CPSF4L: variants seen among roughly 807,000 people sequenced by gnomAD.
CPSF4L encodes putative cleavage and polyadenylation specificity factor subunit 4-like protein.
In CPSF4L, 18 loss-of-function variants were observed where a neutral mutation model predicts 24.0. That is an observed-to-expected ratio of 0.75 (90% confidence interval 0.52 to 1.11). The LOEUF is 1.11. CPSF4L is among the 50% of genes least tolerant of loss of function. The pLI, the probability that CPSF4L is intolerant of heterozygous loss-of-function variation, is 0.00. For missense variants in CPSF4L, 211 were observed against 221.8 expected, an observed-to-expected ratio of 0.95 and a Z score of 0.31; for synonymous variants, 72 against 77.2, an observed-to-expected ratio of 0.93 and a Z score of 0.35.
intron 5 of CPSF4L, chr17:73,250,152 C>A: frequency 1.5e-6 from 2 of 1,334,500 alleles, no homozygotes; most frequent in Non-Finnish European, 1.0e-6. Flanking sequence ...TCATACCCTG[C>A]TTAGGATGAC....
downstream of CPSF4L, among the ~76,000 whole-genome samples, chr17:73,246,147 T>C (rs889041115): frequency 1.3e-5 from 2 of 152,204 alleles, no homozygotes; most frequent in African/African-American, 4.8e-5. Context: ...TAGTTATATA[T>C]CACACGCACA....
At chr17:73,242,415 T>TAAG in the CPSF4L span, 5 of 1,161,132 alleles carry the variant, frequency 4.3e-6, no homozygotes, top group South Asian at 7.4e-5. Context: ...AAGTTTCTCT[T>TAAG]CGGGCTGTTA....
At chr17:73,244,974 G>C (rs1043221076), downstream of CPSF4L, among the ~76,000 whole-genome samples, 2 of 152,176 alleles carry the variant, frequency 1.3e-5, no homozygotes, top group African/African-American at 4.8e-5. Flanking sequence ...AGTTTTACCA[G>C]TCTGAAAGGG....
At chr17:73,243,358 G>A in the CPSF4L span, among the ~76,000 whole-genome samples, 5 of 151,662 alleles carry the variant, frequency 3.3e-5, no homozygotes, top group East Asian at 9.7e-4. Context: ...TTCTCCATGT[G>A]GGTCAGGCTG....
intron 1 of CPSF4L, 103 bp from the exon 2 acceptor site, chr17:73,261,086 G>T: frequency 1.1e-6 from 1 of 945,772 alleles, no homozygotes; most frequent in Non-Finnish European, 1.6e-6. Context: ...CCTCCCCCAG[G>T]CTCTGGCCTA....
intron 5 of CPSF4L, among the ~76,000 whole-genome samples, chr17:73,251,948 C>G (rs2062007602): frequency 6.6e-6 from 1 of 152,222 alleles, no homozygotes; most frequent in South Asian, 2.1e-4. Flanking sequence ...TCCTACCCTA[C>G]CCACAGCAGA....
rs567559388 is a variant in CPSF4L, at chr17:73,250,172, A to G, written c.498-1636T>C. 3 of 1,460,282 alleles carry G rather than the reference A, an allele frequency of 2.1e-6. No homozygotes were observed. The African/African-American group carries it at 4.2e-5, about 21-fold the overall frequency. 90.5% of individuals were successfully genotyped at this position (1,460,282 alleles called of 1,614,324 possible). ...CCCTGCTTAGGATGACAGCAGGCTT[A>G]CTGTGGAACTTGGGAAACAGAATCC... is the stretch of plus-strand genomic sequence containing the variant. On this transcript the variant is annotated intron_variant, in intron 5 of 5. Transcript: ENST00000344935.
chr17:73,262,171 G>A, upstream of CPSF4L: 1 of 213,058 alleles, frequency 4.7e-6, no homozygotes. Flanking sequence ...CCAAACCTGG[G>A]CTCATACTTT....
At chr17:73,245,647 T>G (rs2061940226), downstream of CPSF4L, 5 of 985,396 alleles carry the variant, frequency 5.1e-6, no homozygotes, top group Non-Finnish European at 6.0e-6. Flanking sequence ...GCCCTTCCCC[T>G]TAGTTTCTTT....
At chr17:73,257,303 C>T (rs944888184) in intron 3 of CPSF4L, among the ~76,000 whole-genome samples, 7 of 152,062 alleles carry the variant, frequency 4.6e-5, no homozygotes, top group African/African-American at 1.7e-4. Context: ...CAGCAGGCAT[C>T]GTGAATGTGG....
downstream of CPSF4L, chr17:73,247,689 T>G (rs139300596): frequency 5.3e-6 from 1 of 186,976 alleles, no homozygotes; most frequent in Admixed American, 5.5e-5. Flanking sequence ...GGTGAGATCC[T>G]GTATTAATAA....
chr17:73,254,751 C>G (rs1281399126), intron 3 of CPSF4L, among the ~76,000 whole-genome samples: 1 of 152,194 alleles, frequency 6.6e-6, no homozygotes, highest in African/African-American at 2.4e-5. Flanking sequence ...TCAAGCAATT[C>G]TCCTGCTTCA....
At chr17:73,242,207 G>A in the CPSF4L span, 16 of 1,415,178 alleles carry the variant, frequency 1.1e-5, no homozygotes, top group Middle Eastern at 3.6e-4. Context: ...GGTACGTTTC[G>A]GTAAACAATG....
chr17:73,248,388 C>A (rs779373822), downstream of CPSF4L: 4 of 1,018,954 alleles, frequency 3.9e-6, no homozygotes, highest in Non-Finnish European at 4.5e-6. Flanking sequence ...TTTTAAACAG[C>A]CTTATAAGTT....
At chr17:73,260,728 G>T (rs996815016) in intron 2 of CPSF4L, among the ~76,000 whole-genome samples, 2 of 152,096 alleles carry the variant, frequency 1.3e-5, no homozygotes, top group African/African-American at 4.8e-5. Context: ...GATCACGCCA[G>T]ATCACTCTAG....
downstream of CPSF4L, chr17:73,245,067 A>G: frequency 8.8e-7 from 1 of 1,139,256 alleles, no homozygotes; most frequent in Non-Finnish European, 1.3e-6. Context: ...CTATTTCTAA[A>G]CTTATAAAAC....
downstream of CPSF4L, chr17:73,244,648 A>C (rs1048556128): frequency 1.3e-5 from 2 of 152,182 alleles, no homozygotes; most frequent in African/African-American, 4.8e-5. Flanking sequence ...CAGGTGTAAA[A>C]GTACAAGATA....
In CPSF4L at chr17:73,261,324, G is replaced by A. The variant is rs572943991; in HGVS notation, c.104-341C>T. 6.6e-5 allele frequency among the ~76,000 whole-genome samples: 10 copies of A among 152,374 alleles called. No homozygotes were observed. The Middle Eastern group carries it at 0.01, about 155-fold the overall frequency. ...CCACAGAAGAGAGAGACAGAGAAGG[G>A]GCGGTCGCATCAGGGAGTTGAGCAG... On this transcript the variant is annotated intron_variant, in intron 1 of 5. Coordinates refer to ENST00000344935, the MANE Select transcript of CPSF4L (RefSeq NM_001129885.1).
chr17:73,250,262 G>T lies in CPSF4L; in HGVS notation c.498-1726C>A, dbSNP rs1303903626. 3 of 1,550,468 alleles carry T rather than the reference G, an allele frequency of 1.9e-6. No homozygotes were observed. In the African/African-American group the frequency reaches 4.1e-5, roughly 21 times the overall value. ...TAGTTTTTAATAACTCCTATCAGTT[G>T]AGTCTTACTGTACTTACTGGCATAA... On this transcript the variant is annotated intron_variant, in intron 5 of 5. Coordinates refer to ENST00000344935, the MANE Select transcript of CPSF4L (RefSeq NM_001129885.1).
Sources: gnomAD v4.1 joint callset for allele counts (sites outside exome capture counted in the v4.1 genomes callset) on GRCh38, gnomAD v4.1.1 for gene constraint, MANE v1.5 for transcripts, NCBI Gene and HGNC (gene_info 2026-07-23, HGNC 2026-07-21) for gene names.